OARD1: variants seen among roughly 807,000 people sequenced by gnomAD.
The protein encoded by OARD1 is ADP-ribose glycohydrolase OARD1.
OARD1 carries 19 observed loss-of-function variants against 19.7 expected under a neutral mutation model. The ratio of observed to expected loss-of-function variants is 0.96; its 90% CI spans 0.67 to 1.41. The LOEUF (loss-of-function observed/expected upper bound fraction) is 1.41. OARD1 is among the 40% of genes most tolerant of loss of function. OARD1 has a pLI of 0.00. For missense variants in OARD1, 190 were observed against 183.8 expected, an observed-to-expected ratio of 1.03 and a Z score of -0.20; for synonymous variants, 70 against 61.8, an observed-to-expected ratio of 1.13 and a Z score of -0.62.
Position 41,097,450 on chromosome 6 carries a change from T to C in OARD1, c.-42+263A>G, listed in dbSNP as rs375098330. On this transcript the variant is annotated intron_variant, in intron 1 of 4. Transcript: ENST00000480585. ...ATGGAGCTGATCAAGGTCATGTTTC[T>C]CACTGTTCCAGGAAATTGATCAACT... is the stretch of plus-strand genomic sequence containing the variant. 3.1e-6 allele frequency: 5 copies of C among 1,602,818 alleles called. No individual in the cohort carries two copies. In the African/African-American group the frequency reaches 5.3e-5, roughly 17 times the overall value.
At position 41,071,659 on chromosome 6, in the gene OARD1, T is replaced by C. The variant is rs754769713; in HGVS notation, c.-25A>G. The C allele has an allele frequency of 6.2e-6, 10 of 1,605,938 alleles. No individual in the cohort carries two copies. In the Admixed American group the frequency reaches 6.7e-5, roughly 11 times the overall value. On this transcript the variant is annotated 5_prime_UTR_variant, in exon 2 of 6. Transcript: ENST00000424266. ...TGATACTGAGTCGCTATTTCCAGAA[T>C]TTAAGTGTTTCTTCAGCTATGAGAA...
chr6:41,084,213 T>C (rs1334030985), intron 1 of OARD1: 13 of 1,612,936 alleles, frequency 8.1e-6, no homozygotes, highest in Admixed American at 5.0e-5. Flanking sequence ...TTTAAAAATA[T>C]TGAGCAGTAT....
rs538495012 is a variant in OARD1 at position 41,089,809 on chromosome 6, G to A, written c.-42+7904C>T. The A allele has an allele frequency of 1.1e-4, 162 of 1,470,094 alleles. 3 individuals are homozygous for A. In the South Asian group the frequency reaches 1.6e-3, roughly 14 times the overall value. 91.1% of individuals were successfully genotyped at this position (1,470,094 alleles called of 1,614,324 possible). ...TGTATAGCATGTATAGTAGAAAAGG[G>A]GATGAAAACCATAAAAAAATATATT... On this transcript the variant is annotated intron_variant, in intron 1 of 4. Coordinates refer to the OARD1 transcript ENST00000480585.
chr6:41,071,600 C>T lies in OARD1; in HGVS notation c.35G>A (p.Ser12Asn). 2 of 1,612,946 alleles carry T rather than the reference C, an allele frequency of 1.2e-6. No individual in the cohort carries two copies. The highest frequency in any genetic ancestry group is 1.1e-5 in the South Asian group (1 of 91,028). Residue 12 changes from serine to asparagine, a missense_variant, in exon 2 of 6, where the codon AGC (serine) becomes AAC (asparagine). By Grantham distance (46) the Ser-to-Asn change is conservative (BLOSUM62 1). Coordinates refer to ENST00000424266, the MANE Select transcript of OARD1 (RefSeq NM_001329686.2). ...ASSLNEDPEG[S>N]RITYVKGDLF... is the part of the protein sequence containing the mutation. The stretch of plus-strand genomic sequence containing the variant: ...AAGTCAATAGTTGTTACGCACTCTG[C>T]TTCCTTCTGGATCTTCATTAAGGCT...
At chr6:41,075,129 C>T (rs1763698320), upstream of OARD1, 1 of 152,158 alleles carries the variant, frequency 6.6e-6, no homozygotes, top group South Asian at 2.1e-4. Context: ...TCCGCATTAG[C>T]AGATGAGATG....
chr6:41,089,820 A>T, intron 1 of OARD1: 1 of 1,445,408 alleles, frequency 6.9e-7, no homozygotes, highest in Non-Finnish European at 9.3e-7. Flanking sequence ...GATGAAAACC[A>T]TAAAAAAATA....
At position 41,081,179 on chromosome 6, in the gene OARD1, T is replaced by C. The variant is rs947287068; in HGVS notation, c.-41-9504A>G. Among the ~76,000 whole-genome samples the C allele has an allele frequency of 3.9e-5, 6 of 152,184 alleles. No individual in the cohort carries two copies. In the South Asian group the frequency reaches 1.2e-3, roughly 31 times the overall value. ...TATAAGTGACAGGAAGAAATTCTTA[T>C]AAGTGACATTAGAATTTATTCAGGG... On this transcript the variant is annotated intron_variant, in intron 1 of 4. Coordinates refer to the OARD1 transcript ENST00000480585.
intron 5 of OARD1, among the ~76,000 whole-genome samples, chr6:41,067,785 G>A (rs572408653): frequency 8.5e-5 from 13 of 152,326 alleles, no homozygotes; most frequent in African/African-American, 2.6e-4. Context: ...TGAAAGGTTG[G>A]TATTTTAAAA....
At chr6:41,068,127 T>C (rs547929554) in intron 5 of OARD1, among the ~76,000 whole-genome samples, 2 of 152,278 alleles carry the variant, frequency 1.3e-5, no homozygotes, top group South Asian at 4.1e-4. Flanking sequence ...ACCATAAATA[T>C]ATCAAAGACC....
At chr6:41,093,987 T>TC (rs1307372375) in intron 1 of OARD1, among the ~76,000 whole-genome samples, 1 of 152,160 alleles carries the variant, frequency 6.6e-6, no homozygotes, top group Non-Finnish European at 1.5e-5. Flanking sequence ...GCCACTGCAG[T>TC]CCAACAGCAA....
intron 1 of OARD1, chr6:41,078,977 A>C: frequency 1.4e-5 from 11 of 784,598 alleles, no homozygotes; most frequent in Non-Finnish European, 2.2e-5. Flanking sequence ...ATTGTCTGGT[A>C]AGGCCTTTAT....
intron 4 of OARD1, 28 bp downstream of exon 4, chr6:41,070,048 A>T: frequency 2.2e-6 from 3 of 1,341,342 alleles, no homozygotes; most frequent in Non-Finnish European, 2.1e-6. Context: ...ACTGGCCCTG[A>T]AAAAAAAAGG....
rs774751350 is a variant in OARD1 at position 41,068,962 on chromosome 6, A to G, written c.244-9T>C. ...GCCCTTTTCTTTGTAATCTGAACAC[A>G]AAGGATTCAAACTTTCATCATCCCA... On this transcript the variant is annotated splice_polypyrimidine_tract_variant and intron_variant, in intron 4 of 5. Transcript: ENST00000424266. The G allele has an allele frequency of 4.7e-6, 7 of 1,485,430 alleles. No individual in the cohort carries two copies. Among genetic ancestry groups the G allele is most frequent in the Non-Finnish European group, 6.5e-6 (7 of 1,079,454 alleles). The allele number at this position is 1,485,430 out of a possible 1,614,324, so 92.0% of individuals were successfully genotyped here.
At chr6:41,069,835 A>G (rs1763230643) in intron 4 of OARD1, 1 of 566,922 alleles carries the variant, frequency 1.8e-6, no homozygotes. Context: ...CCTATGGTAC[A>G]TGATACACGA....
chr6:41,071,459 T>G, intron 2 of OARD1, 137 bp downstream of exon 2: 4 of 997,944 alleles, frequency 4.0e-6, no homozygotes, highest in South Asian at 1.4e-5. Flanking sequence ...TGCCTAGAAT[T>G]TTGAGCCTTT....
At chr6:41,096,651 C>G (rs1025843819) in intron 1 of OARD1, among the ~76,000 whole-genome samples, 1 of 152,190 alleles carries the variant, frequency 6.6e-6, no homozygotes, top group African/African-American at 2.4e-5. Flanking sequence ...TCCTGCCTAC[C>G]AAGGCTTCAG....
intron 5 of OARD1, among the ~76,000 whole-genome samples, chr6:41,067,653 T>C (rs984232455): frequency 2.0e-5 from 3 of 152,234 alleles, no homozygotes; most frequent in Admixed American, 1.3e-4. Flanking sequence ...CACTTCTGTT[T>C]GCCTAATAAG....
chr6:41,070,979 A>G, intron 3 of OARD1, 153 bp downstream of exon 3: 1 of 746,286 alleles, frequency 1.3e-6, no homozygotes, highest in Non-Finnish European at 2.3e-6. Context: ...TGATATGGTA[A>G]ACGTCTAAAC....
At chr6:41,089,787 A>G in intron 1 of OARD1, 2 of 1,537,198 alleles carry the variant, frequency 1.3e-6, no homozygotes, top group Non-Finnish European at 1.8e-6. Context: ...TATTTCATGT[A>G]TAGCATGTAT....
Sources: allele counts gnomAD v4.1 joint callset (sites outside exome capture counted in the v4.1 genomes callset), GRCh38; gene constraint gnomAD v4.1.1; transcripts MANE v1.5; gene names NCBI Gene and HGNC (gene_info 2026-07-23, HGNC 2026-07-21).